NBEA: variants seen among roughly 807,000 people sequenced by gnomAD.
The protein encoded by NBEA is lysosomal-trafficking regulator 2.
Under a neutral mutation model 343.4 loss-of-function variants are expected in NBEA, and 44 were observed. The observed-to-expected ratio is 0.13, with a 90% CI of 0.10 to 0.16. The LOEUF (loss-of-function observed/expected upper bound fraction) is 0.16. Ranked by LOEUF, NBEA falls within the 10% of genes least tolerant of loss-of-function variation. The probability of loss-of-function intolerance (pLI) is 1.00; values close to 1 mark genes in which losing one functional copy is unlikely to be tolerated. For synonymous variants in NBEA, 1,175 were observed against 1,238.7 expected, an observed-to-expected ratio of 0.95 and a Z score of 1.08; for missense variants, 2,555 against 3,631.3, an observed-to-expected ratio of 0.70 and a Z score of 7.62.
chr13:35,134,333 GAT>G (rs1448231486), intron 17 of NBEA, among the ~76,000 whole-genome samples: 1 of 151,298 alleles, frequency 6.6e-6, no homozygotes, highest in Non-Finnish European at 1.5e-5. Flanking sequence ...ATATTTTGAG[GAT>G]ATACTTCATG....
chr13:35,597,711 A>G (rs1341194017), intron 47 of NBEA, among the ~76,000 whole-genome samples: 14 of 152,148 alleles, frequency 9.2e-5, no homozygotes, highest in Non-Finnish European at 1.5e-5. Flanking sequence ...GAGTCTGTCC[A>G]GTTATTTAAG....
At chr13:35,112,293 T>C (rs899155612) in intron 13 of NBEA, among the ~76,000 whole-genome samples, 15 of 152,120 alleles carry the variant, frequency 9.9e-5, no homozygotes, top group African/African-American at 3.6e-4. Context: ...CTTCCATTGC[T>C]TTTAAGTTAG....
chr13:35,416,173 T>C (rs1296073110), intron 38 of NBEA, among the ~76,000 whole-genome samples: 2 of 152,170 alleles, frequency 1.3e-5, no homozygotes, highest in Non-Finnish European at 2.9e-5. Flanking sequence ...AATGATGTCA[T>C]CTGCAAACAG....
At position 35,550,941 on chromosome 13, in the gene NBEA, T is replaced by C. The variant is rs375875207; in HGVS notation, c.6715T>C (p.Phe2239Leu). ...TCTTCTTACCACAGCCTCAGTTATGTTTAATTTCCCTGATCAAGCAACAGT... is the reference window on the plus strand; with the variant it reads ...TCTTCTTACCACAGCCTCAGTTATGCTTAATTTCCCTGATCAAGCAACAGT... Reference protein sequence around the residue: ...VFMANRTSVMFNFPDQATVKK... With the variant: ...VFMANRTSVMLNFPDQATVKK... The change falls in exon 43 of 59, where the codon TTT becomes CTT. Residue 2239 changes from phenylalanine (F) to leucine (L), a missense_variant. This residue lies in a region of NBEA where 246 missense variants were observed against 313.7 expected (regional missense o/e 0.78). Transcript: ENST00000379939. The C allele has an allele frequency of 6.9e-6, 11 of 1,604,414 alleles. No individual in the cohort carries two copies. The highest frequency in any genetic ancestry group is 9.4e-6 in the Non-Finnish European group (11 of 1,172,610).
intron 38 of NBEA, among the ~76,000 whole-genome samples, chr13:35,365,616 TTTC>T (rs1384377158): frequency 6.6e-6 from 1 of 151,732 alleles, no homozygotes; most frequent in Non-Finnish European, 1.5e-5. Context: ...GTGAGATAAA[TTTC>T]TTGACACTTG....
At chr13:35,193,523 T>TCTTC (rs1413773237) in intron 30 of NBEA, among the ~76,000 whole-genome samples, 4 of 151,916 alleles carry the variant, frequency 2.6e-5, no homozygotes, top group Non-Finnish European at 5.9e-5. Context: ...ATACCCTTAG[T>TCTTC]CTTCTCCTCC....
chr13:35,189,951 C>T (rs1201575424), intron 30 of NBEA, among the ~76,000 whole-genome samples: 2 of 152,036 alleles, frequency 1.3e-5, no homozygotes, highest in Admixed American at 1.3e-4. Flanking sequence ...TCTACCTTTC[C>T]TCAGCTCTGT....
intron 25 of NBEA, 172 bp from the exon 26 acceptor site, chr13:35,171,100 C>A: frequency 1.3e-6 from 1 of 749,062 alleles, no homozygotes; most frequent in South Asian, 1.4e-5. Flanking sequence ...GGTAAAGTAA[C>A]CGAATTTGGT....
intron 39 of NBEA, among the ~76,000 whole-genome samples, chr13:35,446,653 G>A (rs2046061342): frequency 6.6e-6 from 1 of 152,082 alleles, no homozygotes; most frequent in Admixed American, 6.6e-5. Flanking sequence ...GAGAATATGA[G>A]GTGCAAAGAG....
chr13:35,313,009 T>C (rs993205170), intron 36 of NBEA, among the ~76,000 whole-genome samples: 1 of 152,104 alleles, frequency 6.6e-6, no homozygotes, highest in African/African-American at 2.4e-5. Flanking sequence ...AGTCTCCAGG[T>C]TATTCGTGGT....
chr13:35,343,953 A>G (rs2039732714), intron 36 of NBEA, among the ~76,000 whole-genome samples: 1 of 152,034 alleles, frequency 6.6e-6, no homozygotes, highest in African/African-American at 2.4e-5. Flanking sequence ...CCTTCCACCC[A>G]CACTGGCCCG....
intron 36 of NBEA, among the ~76,000 whole-genome samples, chr13:35,343,033 A>G (rs929524926): frequency 1.3e-5 from 2 of 152,248 alleles, no homozygotes; most frequent in Non-Finnish European, 1.5e-5. Flanking sequence ...CCTAAAGCCA[A>G]AAGAATGTTG....
chr13:35,386,442 G>A (rs1216348321), intron 38 of NBEA, among the ~76,000 whole-genome samples: 2 of 152,070 alleles, frequency 1.3e-5, no homozygotes, highest in Non-Finnish European at 2.9e-5. Flanking sequence ...GCCACTTTTA[G>A]CTGTTAGTTA....
chr13:35,263,711 CTT>C (rs140601265), intron 34 of NBEA, among the ~76,000 whole-genome samples: 4,303 of 152,048 alleles, frequency 0.028, 91 homozygotes, highest in Non-Finnish European at 0.044. Flanking sequence ...AAAAGAAAAA[CTT>C]TAATATTTCT....
chr13:35,312,644 A>G (rs1474237985), intron 36 of NBEA, among the ~76,000 whole-genome samples: 2 of 152,172 alleles, frequency 1.3e-5, no homozygotes, highest in Non-Finnish European at 2.9e-5. Context: ...AATCTTGTTG[A>G]AGAATATGGT....
At chr13:35,386,173 T>C (rs1226722707) in intron 38 of NBEA, among the ~76,000 whole-genome samples, 1 of 152,170 alleles carries the variant, frequency 6.6e-6, no homozygotes, top group East Asian at 1.9e-4. Context: ...CATAACTGTT[T>C]ATTTTCTCTA....
chr13:35,574,557 A>G (rs1336581395), intron 45 of NBEA, among the ~76,000 whole-genome samples: 1 of 152,002 alleles, frequency 6.6e-6, no homozygotes, highest in Non-Finnish European at 1.5e-5. Context: ...CACACCTCCA[A>G]AGTTTTCAGT....
chr13:35,004,278 C>T lies in NBEA; in HGVS notation c.295-36655C>T, dbSNP rs145200411. On this transcript the variant is annotated intron_variant, in intron 1 of 58. Transcript: ENST00000379939. ...TTTTTGTAATAGAATGATTTATATTCCTTGGGTGTATACCCAGGAATGGGA... is the reference window on the plus strand; with the variant it reads ...TTTTTGTAATAGAATGATTTATATTTCTTGGGTGTATACCCAGGAATGGGA... 6.2e-4 allele frequency among the ~76,000 whole-genome samples: 94 copies of T among 152,160 alleles called. 1 individual carries two copies. The highest frequency in any genetic ancestry group is 2.0e-3 in the African/African-American group (85 of 41,492).
chr13:35,031,637 A>G (rs1424288247), intron 1 of NBEA, among the ~76,000 whole-genome samples: 1 of 151,424 alleles, frequency 6.6e-6, no homozygotes, highest in Non-Finnish European at 1.5e-5. Context: ...CAACAATTTT[A>G]TTAGACAGGA....
Sources: gnomAD v4.1 joint callset for allele counts (sites outside exome capture counted in the v4.1 genomes callset) on GRCh38, gnomAD v4.1.1 for gene constraint, gnomAD v4.1.1 regional missense constraint, MANE v1.5 for transcripts, NCBI Gene and HGNC (gene_info 2026-07-23, HGNC 2026-07-21) for gene names.